IL18R1: variants seen among roughly 807,000 people sequenced by gnomAD.
IL18R1 encodes interleukin-18 receptor 1.
Under a neutral mutation model 48.5 loss-of-function variants are expected in IL18R1, and 40 were observed. The observed-to-expected ratio is 0.82, with a 90% CI of 0.64 to 1.07. The LOEUF (loss-of-function observed/expected upper bound fraction) is 1.07. Among genes scored for constraint, IL18R1 ranks in the 50% least tolerant of loss-of-function variants. The pLI, the probability that IL18R1 is intolerant of heterozygous loss-of-function variation, is 0.00. For synonymous variants in IL18R1, 232 were observed against 225.9 expected (o/e 1.03, Z -0.24); for missense variants, 596 against 633.7 (o/e 0.94, Z 0.64).
chr2:102,390,916 C>G (rs1476710141), intron 9 of IL18R1, among the ~76,000 whole-genome samples: 2 of 105,090 alleles, frequency 1.9e-5, no homozygotes, highest in Non-Finnish European at 3.6e-5. Flanking sequence ...GCCTGGGCGA[C>G]AAAGCAAGAC....
chr2:102,366,177 C>T (rs1678884404), intron 2 of IL18R1, among the ~76,000 whole-genome samples: 1 of 152,138 alleles, frequency 6.6e-6, no homozygotes, highest in Non-Finnish European at 1.5e-5. Flanking sequence ...GTGAATTTTC[C>T]AAACTCTTAT....
intron 5 of IL18R1, among the ~76,000 whole-genome samples, chr2:102,377,342 T>C (rs913984540): frequency 1.3e-5 from 2 of 152,216 alleles, no homozygotes; most frequent in Non-Finnish European, 2.9e-5. Context: ...AGATGGAGTC[T>C]TGCTCTGTTG....
chr2:102,387,925 CAG>C (rs1321069324), intron 8 of IL18R1, among the ~76,000 whole-genome samples: 4 of 151,332 alleles, frequency 2.6e-5, no homozygotes, highest in Non-Finnish European at 5.9e-5. Context: ...ATGAGAGAGA[CAG>C]GGAGAGACAC....
rs1680931070 is a variant in IL18R1 at position 102,398,453 on chromosome 2, T to C, written c.*1567T>C. 2 of 152,356 alleles carry C rather than the reference T, an allele frequency of 1.3e-5. No homozygotes were observed. Among genetic ancestry groups the C allele is most frequent in the African/African-American group, 4.8e-5 (2 of 41,456 alleles). 9.4% of individuals were successfully genotyped at this position (152,356 alleles called of 1,614,324 possible). ...CCAAAAAAGAGTGAGATTGTCAGTG[T>C]AAGAATGTGATTTAATGTTTGTAGT... On this transcript the variant is annotated 3_prime_UTR_variant, in exon 11 of 11. Coordinates refer to ENST00000233957, the MANE Select transcript of IL18R1 (RefSeq NM_003855.5).
At chr2:102,384,101 A>G (rs1376768014) in intron 6 of IL18R1, among the ~76,000 whole-genome samples, 2 of 152,160 alleles carry the variant, frequency 1.3e-5, no homozygotes, top group African/African-American at 4.8e-5. Flanking sequence ...TGAGTATCTC[A>G]GTTGACTCAG....
intron 7 of IL18R1, among the ~76,000 whole-genome samples, chr2:102,385,351 G>GA (rs1298253916): frequency 6.6e-6 from 1 of 151,890 alleles, no homozygotes; most frequent in Non-Finnish European, 1.5e-5. Flanking sequence ...TTTTTATTTT[G>GA]AAAAATTTGT....
At chr2:102,358,784 T>C (rs955970061) in intron 1 of IL18R1, among the ~76,000 whole-genome samples, 7 of 152,156 alleles carry the variant, frequency 4.6e-5, no homozygotes, top group South Asian at 2.1e-4. Flanking sequence ...AAAACATACT[T>C]TCCAAGATAT....
At position 102,379,312 on chromosome 2, in the gene IL18R1, T is replaced by TG. The variant is rs541648946; in HGVS notation, c.626-2305dup. Among the ~76,000 whole-genome samples the TG allele has an allele frequency of 1.1e-3, 160 of 151,944 alleles. 1 individual carries two copies. The highest frequency in any genetic ancestry group is 5.8e-3 in the South Asian group (28 of 4,800). ...CAGAAAAATTAGCTGGGCTTGGTGG[T>TG]GGGCACCTGTAATCCCAGCTACTTG... On this transcript the variant is annotated intron_variant, in intron 5 of 10. Transcript: ENST00000233957.
Position 102,394,628 on chromosome 2 carries a change from G to A in IL18R1, c.1270+1G>A. ...GAAAGGGATGTAGTGCCTGGAGGAG[G>A]TAAGAGGGAATGCCAGATAGAAAAA... On this transcript the variant is annotated splice_donor_variant, in intron 10 of 10. Coordinates refer to ENST00000233957, the MANE Select transcript of IL18R1 (RefSeq NM_003855.5). LOFTEE classifies it high-confidence loss of function. The A allele has an allele frequency of 6.3e-7, 1 of 1,594,284 alleles. No homozygotes were observed. The highest frequency in any genetic ancestry group is 8.6e-7 in the Non-Finnish European group (1 of 1,167,700).
At chr2:102,372,935 T>C (rs1679356590) in intron 4 of IL18R1, among the ~76,000 whole-genome samples, 1 of 152,232 alleles carries the variant, frequency 6.6e-6, no homozygotes, top group Admixed American at 6.5e-5. Flanking sequence ...GCTGTGAGCA[T>C]GTTTTTATGT....
intron 7 of IL18R1, among the ~76,000 whole-genome samples, chr2:102,386,357 G>T (rs561330743): frequency 6.6e-6 from 1 of 152,346 alleles, no homozygotes; most frequent in Admixed American, 6.5e-5. Flanking sequence ...CAACTTAACT[G>T]GCACTTCTCA....
chr2:102,362,683 T>A lies in IL18R1; in HGVS notation c.23T>A (p.Leu8Ter). The part of the protein sequence containing the change: MNCRELP[L>*]TLWVLISVST... ...ACCATGAATTGTAGAGAATTACCCT[T>A]GACCCTTTGGGTGCTTATATCTGTA... Residue 8 changes from leucine (L) to a stop codon, truncating the protein, a stop_gained, in exon 2 of 11, where the codon TTG becomes TAG. Coordinates refer to ENST00000233957, the MANE Select transcript of IL18R1 (RefSeq NM_003855.5). LOFTEE classifies it high-confidence loss of function. The A allele has an allele frequency of 6.2e-7, 1 of 1,608,152 alleles. No individual in the cohort carries two copies. Among genetic ancestry groups the A allele is most frequent in the Non-Finnish European group, 8.5e-7 (1 of 1,177,526 alleles).
intron 2 of IL18R1, among the ~76,000 whole-genome samples, chr2:102,365,706 CT>C (rs905823380): frequency 8.5e-5 from 13 of 152,206 alleles, no homozygotes; most frequent in Admixed American, 7.2e-4. Flanking sequence ...CTGCAGCAAA[CT>C]TTTGCCTGGA....
At chr2:102,369,939 A>G (rs763602542) in intron 3 of IL18R1, among the ~76,000 whole-genome samples, 32 of 152,248 alleles carry the variant, frequency 2.1e-4, no homozygotes, top group Non-Finnish European at 4.1e-4. Flanking sequence ...AGATGAAGAA[A>G]TGAAGGTAGA....
intron 7 of IL18R1, among the ~76,000 whole-genome samples, chr2:102,385,348 T>C (rs1449747001): frequency 6.6e-6 from 1 of 152,196 alleles, no homozygotes; most frequent in Non-Finnish European, 1.5e-5. Context: ...TTTTTTTTAT[T>C]TTGAAAAATT....
chr2:102,380,399 GT>G (rs1350491572), intron 5 of IL18R1, among the ~76,000 whole-genome samples: 2 of 152,144 alleles, frequency 1.3e-5, no homozygotes, highest in Non-Finnish European at 2.9e-5. Context: ...GTCAGTAGCA[GT>G]TTTCCCCCTC....
rs371846917 is a variant in IL18R1 at position 102,396,881 on chromosome 2, T to A, written c.1621T>A (p.Ser541Thr). The change falls in exon 11 of 11, where the codon TCT becomes ACT. Residue 541 changes from serine (S) to threonine (T), a missense_variant. Ser to Thr is a moderately conservative substitution (Grantham distance 58). Around this residue, in one of 3 missense-constraint regions of IL18R1, gnomAD observed 179 missense variants for 206.1 expected, o/e 0.87. Coordinates refer to ENST00000233957, the MANE Select transcript of IL18R1 (RefSeq NM_003855.5). ...GGAAGTCTTGCCTGTTCTTTCCGAG[T>A]CTTAATCTTCAGAAACAGTGAACGC... ...EPEVLPVLSE[S>T] 24 of 1,571,222 alleles carry A rather than the reference T, an allele frequency of 1.5e-5. No individual in the cohort carries two copies. The highest frequency in any genetic ancestry group is 2.1e-5 in the Non-Finnish European group (24 of 1,162,416).
At chr2:102,388,790 G>T (rs1680393552) in intron 8 of IL18R1, among the ~76,000 whole-genome samples, 1 of 152,160 alleles carries the variant, frequency 6.6e-6, no homozygotes, top group Non-Finnish European at 1.5e-5. Context: ...CCCTGAGTCT[G>T]CTCAGAGTTC....
intron 4 of IL18R1, among the ~76,000 whole-genome samples, chr2:102,373,184 G>A (rs1480080197): frequency 1.3e-5 from 2 of 151,946 alleles, no homozygotes; most frequent in Non-Finnish European, 2.9e-5. Context: ...CAATTTTGTG[G>A]GTTGCCTGTT....
Sources: gnomAD v4.1 joint callset for allele counts (sites outside exome capture counted in the v4.1 genomes callset) on GRCh38, gnomAD v4.1.1 for gene constraint, gnomAD v4.1.1 regional missense constraint, MANE v1.5 for transcripts, NCBI Gene and HGNC (gene_info 2026-07-23, HGNC 2026-07-21) for gene names.